Variants in LEF1 observed in about 807,000 individuals in gnomAD.
LEF1 encodes lymphoid enhancer-binding factor 1.
A neutral mutation model predicts 51.2 loss-of-function variants in LEF1; 14 were observed. The observed-to-expected ratio is 0.27, with a 90% CI of 0.18 to 0.43. LEF1 has a LOEUF of 0.43. LEF1 is among the 20% of genes least tolerant of loss of function. The pLI, the probability that LEF1 is intolerant of heterozygous loss-of-function variation, is 1.00. For synonymous variants in LEF1, 185 were observed against 183.2 expected (o/e 1.01, Z -0.08); for missense variants, 386 against 512.0 (o/e 0.75, Z 2.37).
At chr4:108,051,083 A>G (rs1307669664) in intron 11 of LEF1, among the ~76,000 whole-genome samples, 1 of 152,186 alleles carries the variant, frequency 6.6e-6, no homozygotes, top group Non-Finnish European at 1.5e-5. Flanking sequence ...GTCACTTGCC[A>G]AGAAAGAGTC....
chr4:108,064,191 T>TA (rs929020393), intron 10 of LEF1, 145 bp downstream of exon 10: 8 of 544,596 alleles, frequency 1.5e-5, no homozygotes, highest in African/African-American at 1.4e-4. Context: ...TTTAAATTTT[T>TA]AAAAGAATTT....
At chr4:108,114,341 T>G (rs1017181965) in intron 3 of LEF1, among the ~76,000 whole-genome samples, 1 of 152,168 alleles carries the variant, frequency 6.6e-6, no homozygotes, top group Non-Finnish European at 1.5e-5. Context: ...GATAAAGGGT[T>G]TGTAAAAGCA....
At chr4:108,162,062 G>A (rs930035596) in intron 3 of LEF1, among the ~76,000 whole-genome samples, 8 of 152,066 alleles carry the variant, frequency 5.3e-5, no homozygotes, top group Admixed American at 3.3e-4. Flanking sequence ...ATTTATTTGA[G>A]GGGCCTCTAA....
chr4:108,082,983 A>G (rs1739411330), intron 5 of LEF1, among the ~76,000 whole-genome samples: 1 of 152,186 alleles, frequency 6.6e-6, no homozygotes, highest in Non-Finnish European at 1.5e-5. Flanking sequence ...TAGATATTCA[A>G]TGCGTCTAAA....
At chr4:108,053,346 G>A (rs1299220858) in intron 11 of LEF1, among the ~76,000 whole-genome samples, 1 of 152,190 alleles carries the variant, frequency 6.6e-6, no homozygotes, top group African/African-American at 2.4e-5. Flanking sequence ...GGTTAGGAAG[G>A]TTAACACTGA....
At chr4:108,147,208 C>T (rs1165851219) in intron 3 of LEF1, among the ~76,000 whole-genome samples, 1 of 151,982 alleles carries the variant, frequency 6.6e-6, no homozygotes, top group East Asian at 1.9e-4. Context: ...ACTTGCCTAA[C>T]TCCATGTCAG....
intron 7 of LEF1, 87 bp from the exon 8 acceptor site, chr4:108,078,469 A>T: frequency 6.5e-7 from 1 of 1,527,910 alleles, no homozygotes; most frequent in African/African-American, 1.4e-5. Flanking sequence ...GCACCTGCTC[A>T]CATGGCTACA....
intron 4 of LEF1, among the ~76,000 whole-genome samples, chr4:108,087,331 T>A (rs1223020099): frequency 1.3e-5 from 2 of 151,832 alleles, no homozygotes; most frequent in African/African-American, 4.8e-5. Context: ...AAAAATCACA[T>A]CAATCTTTAG....
chr4:108,088,903 T>A (rs748451642), intron 4 of LEF1, among the ~76,000 whole-genome samples: 37 of 152,208 alleles, frequency 2.4e-4, no homozygotes, highest in Non-Finnish European at 4.0e-4. Context: ...ATTGTGGCCC[T>A]GCTATGCTTT....
At chr4:108,101,665 T>C (rs1740829470) in intron 3 of LEF1, among the ~76,000 whole-genome samples, 1 of 152,066 alleles carries the variant, frequency 6.6e-6, no homozygotes, top group Non-Finnish European at 1.5e-5. Context: ...TATCAAGAAA[T>C]GATAAAGTGT....
chr4:108,108,312 T>G (rs1421880956), intron 3 of LEF1, among the ~76,000 whole-genome samples: 2 of 152,186 alleles, frequency 1.3e-5, no homozygotes, highest in African/African-American at 4.8e-5. Flanking sequence ...AGGTCTTAGA[T>G]TATCATCATC....
At chr4:108,088,579 GC>G (rs1192185473) in intron 4 of LEF1, among the ~76,000 whole-genome samples, 2 of 152,178 alleles carry the variant, frequency 1.3e-5, no homozygotes, top group East Asian at 1.9e-4. Context: ...CAAAGTAGAA[GC>G]AAATATTAAT....
chr4:108,091,772 T>A (rs1002846188), intron 3 of LEF1, among the ~76,000 whole-genome samples: 1 of 151,992 alleles, frequency 6.6e-6, no homozygotes, highest in African/African-American at 2.4e-5. Context: ...ATGCTAGAAG[T>A]GGGGGTGGGT....
intron 3 of LEF1, among the ~76,000 whole-genome samples, chr4:108,112,083 C>T (rs1163647454): frequency 6.6e-6 from 1 of 152,120 alleles, no homozygotes; most frequent in Non-Finnish European, 1.5e-5. Context: ...CTGTTGGAAA[C>T]AGGCAAAAAA....
chr4:108,064,348 C>T lies in LEF1; in HGVS notation c.1153G>A (p.Glu385Lys). The change falls in exon 10 of 12, where the codon GAA (glutamate) becomes AAA (lysine). Residue 385 changes from glutamate (E) to lysine (K), a missense_variant. Glu to Lys is a moderately conservative substitution (Grantham distance 56, BLOSUM62 1). Coordinates refer to ENST00000265165, the MANE Select transcript of LEF1 (RefSeq NM_016269.5). The part of the protein sequence containing the change: ...KKKRKREKLQ[E>K]SASGTGPRMT... ...TCATGGTGCCTACCTGATGCAGATT[C>T]CTGTAGTTTCTCTCTCTTCCTCTTC... 2 of 1,612,044 alleles carry T rather than the reference C, an allele frequency of 1.2e-6. No homozygotes were observed. Among genetic ancestry groups the T allele is most frequent in the Non-Finnish European group, 1.7e-6 (2 of 1,178,214 alleles).
intron 8 of LEF1, among the ~76,000 whole-genome samples, chr4:108,071,172 C>CA (rs920366275): frequency 1.3e-5 from 2 of 152,200 alleles, no homozygotes; most frequent in African/African-American, 2.4e-5. Flanking sequence ...TTTATTTATG[C>CA]AAAACGTGAT....
chr4:108,161,148 G>A (rs1177120494), intron 3 of LEF1, among the ~76,000 whole-genome samples: 1 of 152,108 alleles, frequency 6.6e-6, no homozygotes, highest in Non-Finnish European at 1.5e-5. Context: ...TGTGGTTAGG[G>A]GTGAAGAAGA....
chr4:108,087,339 T>C (rs1425361167), intron 4 of LEF1, among the ~76,000 whole-genome samples: 1 of 151,800 alleles, frequency 6.6e-6, no homozygotes, highest in Non-Finnish European at 1.5e-5. Flanking sequence ...CATCAATCTT[T>C]AGAACAAAAT....
chr4:108,116,200 G>A (rs1363326614), intron 3 of LEF1, among the ~76,000 whole-genome samples: 1 of 152,114 alleles, frequency 6.6e-6, no homozygotes, highest in African/African-American at 2.4e-5. Context: ...GGACTCAGCT[G>A]ACAGGAAAGA....
Sources: gnomAD v4.1 joint callset for allele counts (sites outside exome capture counted in the v4.1 genomes callset) on GRCh38, gnomAD v4.1.1 for gene constraint, MANE v1.5 for transcripts, NCBI Gene and HGNC (gene_info 2026-07-23, HGNC 2026-07-21) for gene names.